BRD4: variants seen among roughly 807,000 people sequenced by gnomAD.
BRD4 encodes the protein bromodomain containing 4, also known as bromodomain-containing protein 4.
In BRD4, 16 loss-of-function variants were observed where a neutral mutation model predicts 142.1. That is an observed-to-expected ratio of 0.11 (90% CI 0.08 to 0.17). BRD4 has a LOEUF of 0.17. Among genes scored for constraint, BRD4 ranks in the 10% least tolerant of loss-of-function variants. BRD4 has a pLI of 1.00. For missense variants in BRD4, 1,424 were observed against 1,810.9 expected (o/e 0.79, Z 3.88); for synonymous variants, 833 against 707.5 (o/e 1.18, Z -2.82).
chr19:15,253,338 G>A (rs2047368058), intron 11 of BRD4: 2 of 586,854 alleles, frequency 3.4e-6, no homozygotes, highest in Non-Finnish European at 6.0e-6. Context: ...AATGAGGAAA[G>A]TGCACACTTG....
chr19:15,262,957 AC>A (rs1485328192), intron 7 of BRD4, among the ~76,000 whole-genome samples: 1 of 152,100 alleles, frequency 6.6e-6, no homozygotes, highest in East Asian at 1.9e-4. Context: ...GAAGGAAGTG[AC>A]CCAGGACCCC....
At chr19:15,293,132 T>C (rs919872154) in intron 1 of BRD4, among the ~76,000 whole-genome samples, 4 of 151,746 alleles carry the variant, frequency 2.6e-5, no homozygotes, top group South Asian at 2.1e-4. Flanking sequence ...AAAAAATAAA[T>C]AAATAAGCTC....
chr19:15,307,209 C>T (rs1011939844), intron 1 of BRD4, among the ~76,000 whole-genome samples: 16 of 152,206 alleles, frequency 1.1e-4, no homozygotes, highest in Admixed American at 7.2e-4. Flanking sequence ...AACCAAAACA[C>T]TGCACCGTCA....
chr19:15,256,323 G>T, intron 8 of BRD4, 60 bp from the exon 9 acceptor site: 1 of 1,571,556 alleles, frequency 6.4e-7, no homozygotes, highest in South Asian at 1.2e-5. Context: ...TGTCACCCAA[G>T]ACCCAGGCGT....
At chr19:15,288,598 A>C (rs1368789216) in intron 1 of BRD4, among the ~76,000 whole-genome samples, 1 of 152,198 alleles carries the variant, frequency 6.6e-6, no homozygotes, top group African/African-American at 2.4e-5. Flanking sequence ...TGTGCAGAGC[A>C]CAGAACAGCT....
chr19:15,328,776 TTTG>T (rs1185911321), intron 1 of BRD4, among the ~76,000 whole-genome samples: 2 of 152,122 alleles, frequency 1.3e-5, no homozygotes, highest in African/African-American at 4.8e-5. Context: ...ACATTCTGGT[TTTG>T]TTTTTTGTTT....
chr19:15,273,821 T>C (rs1568393047), intron 1 of BRD4, among the ~76,000 whole-genome samples: 3 of 151,290 alleles, frequency 2.0e-5, no homozygotes, highest in African/African-American at 2.4e-5. Context: ...ATTTTCTTTT[T>C]TTTTTTTTTT....
chr19:15,292,008 T>C (rs560955113), intron 1 of BRD4, among the ~76,000 whole-genome samples: 1 of 152,224 alleles, frequency 6.6e-6, no homozygotes, highest in Non-Finnish European at 1.5e-5. Flanking sequence ...TTCCTTCCAC[T>C]ATACCAGTTA....
intron 1 of BRD4, among the ~76,000 whole-genome samples, chr19:15,286,689 G>C (rs962966971): frequency 5.3e-5 from 8 of 152,276 alleles, no homozygotes; most frequent in African/African-American, 1.9e-4. Context: ...TCTGTATTTA[G>C]ATTCCATAAA....
chr19:15,285,137 C>A (rs993850203), intron 1 of BRD4, among the ~76,000 whole-genome samples: 12 of 152,218 alleles, frequency 7.9e-5, no homozygotes, highest in African/African-American at 2.9e-4. Context: ...GTCCATCACA[C>A]AACCTAAGTT....
chr19:15,260,414 A>G (rs2047456390), intron 7 of BRD4, among the ~76,000 whole-genome samples: 1 of 152,200 alleles, frequency 6.6e-6, no homozygotes, highest in Non-Finnish European at 1.5e-5. Context: ...TGATGCAGAG[A>G]AAGTAGAGAG....
intron 1 of BRD4, among the ~76,000 whole-genome samples, chr19:15,318,128 A>G (rs986418364): frequency 6.6e-6 from 1 of 152,236 alleles, no homozygotes; most frequent in Non-Finnish European, 1.5e-5. Context: ...ACAAAATAGA[A>G]AGGGGAAACT....
At chr19:15,271,953 T>C (rs1296185253) in intron 2 of BRD4, among the ~76,000 whole-genome samples, 1 of 151,432 alleles carries the variant, frequency 6.6e-6, no homozygotes, top group Non-Finnish European at 1.5e-5. Context: ...GGCTCTGGTG[T>C]GCACACACCA....
intron 1 of BRD4, among the ~76,000 whole-genome samples, chr19:15,303,842 A>T (rs543643462): frequency 6.6e-6 from 1 of 152,304 alleles, no homozygotes; most frequent in African/African-American, 2.4e-5. Context: ...TATCAACATT[A>T]CAGGGTTGAG....
At chr19:15,250,931 T>G (rs1177353627) in intron 11 of BRD4, among the ~76,000 whole-genome samples, 1 of 152,064 alleles carries the variant, frequency 6.6e-6, no homozygotes, top group Non-Finnish European at 1.5e-5. Context: ...CTAGGGGTGG[T>G]GGGAGAGTGG....
chr19:15,292,553 C>A (rs933351661), intron 1 of BRD4, among the ~76,000 whole-genome samples: 1 of 151,916 alleles, frequency 6.6e-6, no homozygotes, highest in South Asian at 2.1e-4. Flanking sequence ...CCGAGGCGGG[C>A]GGATCACGAG....
At chr19:15,308,744 G>A (rs1009440178) in intron 1 of BRD4, among the ~76,000 whole-genome samples, 21 of 152,028 alleles carry the variant, frequency 1.4e-4, no homozygotes, top group African/African-American at 4.6e-4. Flanking sequence ...GGCTGGGCGC[G>A]GTGGCTCAAA....
chr19:15,238,953 C>G lies in BRD4; in HGVS notation c.3810G>C (p.Glu1270Asp), dbSNP rs113881069. Residue 1270 changes from glutamate to aspartate, a missense_variant, in exon 19 of 20, where the codon GAG (glutamate) becomes GAC (aspartate). Physicochemically the swap from Glu to Asp is conservative, Grantham distance 45. This residue lies in a region of BRD4 where 109 missense variants were observed against 117.9 expected (regional missense o/e 0.92). Coordinates refer to ENST00000679869, the MANE Select transcript of BRD4 (RefSeq NM_001379291.1). The surrounding 1 kb of genome is among the most constrained non-coding windows in gnomAD (Gnocchi z 7.2). ...MRSREDEDAL[E>D]QARRAHEEAR... is the part of the protein sequence containing the mutation. ...CCTCCTCATGGGCCCGCCGGGCCTG[C>G]TCCAGCGCATCCTCGTCCTCTCGGC... is the stretch of plus-strand genomic sequence containing the variant. 6.9e-3 allele frequency: 11,029 copies of G among 1,595,662 alleles called. 49 individuals carry two copies. Among genetic ancestry groups the G allele is most frequent in the Non-Finnish European group, 8.4e-3 (9,842 of 1,173,122 alleles).
At chr19:15,314,381 GT>G (rs2047999128) in intron 1 of BRD4, among the ~76,000 whole-genome samples, 1 of 152,120 alleles carries the variant, frequency 6.6e-6, no homozygotes, top group Non-Finnish European at 1.5e-5. Flanking sequence ...AGGACACATT[GT>G]TTTGGAAAGA....
Sources: gnomAD v4.1 joint callset for allele counts (sites outside exome capture counted in the v4.1 genomes callset) on GRCh38, gnomAD v4.1.1 for gene constraint, gnomAD v4.1.1 regional missense constraint, Gnocchi (gnomAD v3.1) non-coding constraint, MANE v1.5 for transcripts, NCBI Gene and HGNC (gene_info 2026-07-23, HGNC 2026-07-21) for gene names.